GABPB1: variants seen among roughly 807,000 people sequenced by gnomAD.
The protein encoded by GABPB1 is GA-binding protein subunit beta-1.
A neutral mutation model predicts 45.9 loss-of-function variants in GABPB1; 15 were observed. The ratio of observed to expected loss-of-function variants is 0.33; its 90% CI spans 0.22 to 0.50. The LOEUF (loss-of-function observed/expected upper bound fraction) is 0.50. Among genes scored for constraint, GABPB1 ranks in the 20% least tolerant of loss-of-function variants. The probability of loss-of-function intolerance (pLI) is 0.98; values close to 1 mark genes in which losing one functional copy is unlikely to be tolerated. For missense variants in GABPB1, 252 were observed against 457.5 expected, an observed-to-expected ratio of 0.55 and a Z score of 4.10; for synonymous variants, 143 against 154.4, an observed-to-expected ratio of 0.93 and a Z score of 0.55.
chr15:50,309,829 A>T lies in GABPB1; in HGVS notation c.1-31T>A, dbSNP rs192226918. On this transcript the variant is annotated intron_variant, in intron 1 of 8. Coordinates refer to ENST00000380877, the MANE Select transcript of GABPB1 (RefSeq NM_016654.5). ...CAAAACATAGATGAACTGAACATCA[A>T]AATCTCCATTTATACACTATGACAT... 157 of 1,290,302 alleles carry T rather than the reference A, an allele frequency of 1.2e-4. No homozygotes were observed. The African/African-American group carries it at 2.2e-3, about 18-fold the overall frequency. The allele number at this position is 1,290,302 out of a possible 1,614,324, so 79.9% of individuals were successfully genotyped here. A position where few individuals can be genotyped will look rare whatever the true frequency, so the allele number is the denominator to read the frequency against.
chr15:50,326,302 C>A (rs1437294423), intron 1 of GABPB1, among the ~76,000 whole-genome samples: 1 of 152,052 alleles, frequency 6.6e-6, no homozygotes, highest in Non-Finnish European at 1.5e-5. Context: ...TCGTTCAAGC[C>A]CAGGAGTTTG....
intron 1 of GABPB1, among the ~76,000 whole-genome samples, chr15:50,321,057 A>G (rs1397726272): frequency 1.3e-5 from 2 of 152,186 alleles, no homozygotes; most frequent in Non-Finnish European, 2.9e-5. Flanking sequence ...CAAATAGGAA[A>G]TTATTACACG....
intron 4 of GABPB1, among the ~76,000 whole-genome samples, chr15:50,302,643 C>CAAA (rs60408137): frequency 0.18 from 11,280 of 61,632 alleles, 2,504 homozygotes; most frequent in Non-Finnish European, 0.28. Context: ...GACTCTGGCT[C>CAAA]AAAAAAAAAA....
intron 6 of GABPB1, among the ~76,000 whole-genome samples, chr15:50,296,933 C>A (rs775147616): frequency 7.6e-4 from 84 of 111,004 alleles, no homozygotes; most frequent in Non-Finnish European, 9.3e-4. Flanking sequence ...TTTTTTGAGA[C>A]AGAGTCTCCC....
At chr15:50,337,065 ATATGTGTGTG>A (rs1567541140) in intron 1 of GABPB1, among the ~76,000 whole-genome samples, 37 of 14,958 alleles carry the variant, frequency 2.5e-3, no homozygotes, top group African/African-American at 4.6e-3. Flanking sequence ...AATTACATGT[ATATGTGTGTG>A]TATATATATA....
At chr15:50,354,332 A>C in intron 1 of GABPB1, 1 of 447,168 alleles carries the variant, frequency 2.2e-6, no homozygotes, top group Non-Finnish European at 4.5e-6. Context: ...CCCCGCGGCC[A>C]AGGCTGTCGC....
intron 6 of GABPB1, among the ~76,000 whole-genome samples, chr15:50,299,209 T>C (rs2046638238): frequency 6.6e-6 from 1 of 152,190 alleles, no homozygotes; most frequent in Non-Finnish European, 1.5e-5. Context: ...ATTCTTTGCT[T>C]TTATAAGCAC....
At chr15:50,326,444 G>C (rs2047766246) in intron 1 of GABPB1, among the ~76,000 whole-genome samples, 1 of 151,834 alleles carries the variant, frequency 6.6e-6, no homozygotes, top group Non-Finnish European at 1.5e-5. Flanking sequence ...GATCACCTGA[G>C]GTCAGGAGTT....
rs1333886008 is a variant in GABPB1 at position 50,275,764 on chromosome 15, A to G, written c.*2868T>C. ...GCCAACGAAAACAAATGACATCACA[A>G]GTCCTTTTGTGAAGTAATTAAGATA... is the stretch of plus-strand genomic sequence containing the variant. On this transcript the variant is annotated 3_prime_UTR_variant, in exon 9 of 9. Coordinates refer to ENST00000380877, the MANE Select transcript of GABPB1 (RefSeq NM_016654.5). 6.6e-6 allele frequency: 1 copy of G among 152,228 alleles called. No homozygotes were observed. The highest frequency in any genetic ancestry group is 1.5e-5 in the Non-Finnish European group (1 of 68,034). 9.4% of individuals were successfully genotyped at this position (152,228 alleles called of 1,614,324 possible). A position where few individuals can be genotyped will look rare whatever the true frequency, so the allele number is the denominator to read the frequency against.
At chr15:50,287,553 T>C (rs1376188565) in intron 7 of GABPB1, among the ~76,000 whole-genome samples, 2 of 152,116 alleles carry the variant, frequency 1.3e-5, no homozygotes, top group African/African-American at 4.8e-5. Flanking sequence ...AGGTAGACCA[T>C]GTGAGGACAG....
intron 7 of GABPB1, among the ~76,000 whole-genome samples, chr15:50,289,028 T>G (rs2046259134): frequency 6.6e-6 from 1 of 152,192 alleles, no homozygotes; most frequent in African/African-American, 2.4e-5. Flanking sequence ...GGTCTCACTA[T>G]GTTGCCCAGG....
chr15:50,350,621 C>T (rs1254168492), intron 1 of GABPB1: 1 of 151,642 alleles, frequency 6.6e-6, no homozygotes, highest in Non-Finnish European at 1.5e-5. Context: ...ACCTGTAAAC[C>T]TCGGCATATT....
At chr15:50,320,159 T>A (rs1178879212) in intron 1 of GABPB1, among the ~76,000 whole-genome samples, 4 of 152,174 alleles carry the variant, frequency 2.6e-5, no homozygotes, top group African/African-American at 9.6e-5. Context: ...TCACAAGCAA[T>A]CCTCTTTTTT....
chr15:50,303,665 G>C (rs183556388), intron 3 of GABPB1, among the ~76,000 whole-genome samples: 2 of 142,560 alleles, frequency 1.4e-5, no homozygotes, highest in Non-Finnish European at 3.0e-5. Flanking sequence ...CTGGGTGACA[G>C]AGATTCTGTC....
chr15:50,302,886 G>A (rs1253312591), intron 4 of GABPB1, 43 bp downstream of exon 4: 1 of 1,307,030 alleles, frequency 7.7e-7, no homozygotes, highest in Admixed American at 2.0e-5. Flanking sequence ...TACTGATAAG[G>A]CTTCTTTTTC....
At chr15:50,306,626 CAAAAA>C (rs34344784) in intron 2 of GABPB1, among the ~76,000 whole-genome samples, 1 of 84,426 alleles carries the variant, frequency 1.2e-5, no homozygotes, top group African/African-American at 4.5e-5. Context: ...AACTCTGTCT[CAAAAA>C]AAAAAAAAAA....
chr15:50,303,219 A>T, intron 3 of GABPB1, 96 bp from the exon 4 acceptor site: 3 of 934,132 alleles, frequency 3.2e-6, no homozygotes, highest in Non-Finnish European at 4.8e-6. Context: ...AAGCAAGAAC[A>T]AATAATGTAG....
chr15:50,354,327 C>A (rs901596189), intron 1 of GABPB1: 1 of 446,680 alleles, frequency 2.2e-6, no homozygotes, highest in African/African-American at 2.1e-5. Flanking sequence ...CCAGTCCCCG[C>A]GGCCAAGGCT....
At chr15:50,345,720 GTTTT>G (rs903956030) in intron 1 of GABPB1, among the ~76,000 whole-genome samples, 1 of 142,752 alleles carries the variant, frequency 7.0e-6, no homozygotes, top group African/African-American at 2.6e-5. Flanking sequence ...ATTTTTTTTT[GTTTT>G]TTTTTTAGAT....
Sources: gnomAD v4.1 joint callset for allele counts (sites outside exome capture counted in the v4.1 genomes callset) on GRCh38, gnomAD v4.1.1 for gene constraint, MANE v1.5 for transcripts, NCBI Gene and HGNC (gene_info 2026-07-23, HGNC 2026-07-21) for gene names.